KCNK13: variants seen among roughly 807,000 people sequenced by gnomAD.
KCNK13 encodes potassium two pore domain channel subfamily K member 13, also known as potassium channel subfamily K member 13.
Under a neutral mutation model 23.4 loss-of-function variants are expected in KCNK13, and 12 were observed. That is an observed-to-expected ratio of 0.51 (90% CI 0.33 to 0.83). KCNK13 has a LOEUF of 0.83. KCNK13 is among the 40% of genes least tolerant of loss of function. The pLI is 0.02. For synonymous variants in KCNK13, 231 were observed against 229.5 expected, an observed-to-expected ratio of 1.01 and a Z score of -0.06; for missense variants, 463 against 556.3, an observed-to-expected ratio of 0.83 and a Z score of 1.69.
chr14:90,110,646 C>T (rs1005213942), intron 1 of KCNK13, among the ~76,000 whole-genome samples: 1 of 152,074 alleles, frequency 6.6e-6, no homozygotes, highest in African/African-American at 2.4e-5. Flanking sequence ...GGATTCAGGG[C>T]ATGTCTTTCT....
At chr14:90,097,648 G>A (rs947728190) in intron 1 of KCNK13, among the ~76,000 whole-genome samples, 1 of 152,150 alleles carries the variant, frequency 6.6e-6, no homozygotes, top group Non-Finnish European at 1.5e-5. Flanking sequence ...CCTGATGGGA[G>A]AATATTCAAA....
chr14:90,184,988 C>A lies in KCNK13; in HGVS notation c.1212C>A (p.Thr404=), dbSNP rs775316619. ...FAIMNNRLAE[T]SGDR ...TCATGAACAACAGGTTGGCAGAGAC[C>A]AGTGGGGACAGGTAGAAGCCAGGAG... Residue 404 remains threonine, a synonymous_variant, in exon 2 of 2, where the codon ACC becomes ACA. Transcript: ENST00000282146. The surrounding 1 kb of genome is among the most constrained non-coding windows in gnomAD (Gnocchi z 5.6). 1 of 1,590,554 alleles carries A rather than the reference C, an allele frequency of 6.3e-7. No homozygotes were observed. The highest frequency in any genetic ancestry group is 8.6e-7 in the Non-Finnish European group (1 of 1,167,618).
At chr14:90,162,443 A>G (rs1176213188) in intron 1 of KCNK13, among the ~76,000 whole-genome samples, 2 of 152,188 alleles carry the variant, frequency 1.3e-5, no homozygotes, top group South Asian at 2.1e-4. Flanking sequence ...GATTGTATCA[A>G]TGTCAATATC....
At chr14:90,113,934 AAAG>A (rs775840828) in intron 1 of KCNK13, among the ~76,000 whole-genome samples, 29 of 152,208 alleles carry the variant, frequency 1.9e-4, no homozygotes, top group East Asian at 1.9e-4. Flanking sequence ...CTCTGTCTCA[AAAG>A]AAGAAGAAGA....
intron 1 of KCNK13, among the ~76,000 whole-genome samples, chr14:90,146,827 A>G (rs1047555958): frequency 9.9e-5 from 15 of 151,124 alleles, no homozygotes; most frequent in Non-Finnish European, 2.2e-4. Flanking sequence ...ATCTTTTTCT[A>G]TCTATTATTT....
chr14:90,182,840 AGAG>A (rs1439992228), intron 1 of KCNK13, among the ~76,000 whole-genome samples: 1 of 148,410 alleles, frequency 6.7e-6, no homozygotes, highest in Non-Finnish European at 1.5e-5. Context: ...AAAAAAAAAA[AGAG>A]AGAGGTTTGA....
intron 1 of KCNK13, among the ~76,000 whole-genome samples, chr14:90,104,471 G>A (rs976191591): frequency 4.6e-5 from 7 of 152,166 alleles, no homozygotes. Flanking sequence ...CACCCAGAAG[G>A]CAATAAGACA....
intron 1 of KCNK13, among the ~76,000 whole-genome samples, chr14:90,175,360 A>G (rs1229456918): frequency 2.0e-5 from 3 of 152,214 alleles, no homozygotes; most frequent in African/African-American, 7.2e-5. Flanking sequence ...TTGTGGAAAC[A>G]TTATTCTTAT....
chr14:90,122,079 C>T lies in KCNK13; in HGVS notation c.334+59540C>T, dbSNP rs375083846. Among the ~76,000 whole-genome samples, 12 of 152,120 alleles carry T rather than the reference C, an allele frequency of 7.9e-5. 1 individual carries two copies. The East Asian group carries it at 1.5e-3, about 20-fold the overall frequency. On this transcript the variant is annotated intron_variant, in intron 1 of 1. Transcript: ENST00000282146. ...TCTTAAGAAACTGCCATCATGTAAA[C>T]GTTTTCCACAATTTTAATAGCTCCA...
chr14:90,090,370 C>G (rs970416801), intron 1 of KCNK13, among the ~76,000 whole-genome samples: 1 of 152,184 alleles, frequency 6.6e-6, no homozygotes, highest in Non-Finnish European at 1.5e-5. Context: ...GGGCCTGTAA[C>G]CCCTTTATTT....
At chr14:90,106,945 C>T (rs530785086) in intron 1 of KCNK13, among the ~76,000 whole-genome samples, 9 of 151,922 alleles carry the variant, frequency 5.9e-5, no homozygotes, top group African/African-American at 1.4e-4. Context: ...CGCTTGAATC[C>T]GGGAGGCAGA....
At chr14:90,158,691 T>TCCTG (rs2140437369) in intron 1 of KCNK13, among the ~76,000 whole-genome samples, 1 of 152,316 alleles carries the variant, frequency 6.6e-6, no homozygotes, top group South Asian at 2.1e-4. Flanking sequence ...CTTCCTCCCT[T>TCCTG]CCTGCCTGCC....
At chr14:90,129,245 C>T (rs1329969241) in intron 1 of KCNK13, among the ~76,000 whole-genome samples, 3 of 152,090 alleles carry the variant, frequency 2.0e-5, no homozygotes, top group Admixed American at 2.0e-4. Context: ...TTTACTTATT[C>T]CTTCTCCTGG....
At chr14:90,113,961 A>G (rs898651611) in intron 1 of KCNK13, among the ~76,000 whole-genome samples, 3 of 152,102 alleles carry the variant, frequency 2.0e-5, no homozygotes, top group African/African-American at 7.2e-5. Flanking sequence ...AAAAAGAATG[A>G]AAGAAAAAGA....
At chr14:90,127,452 ACTT>A (rs1224957734) in intron 1 of KCNK13, among the ~76,000 whole-genome samples, 99 of 87,644 alleles carry the variant, frequency 1.1e-3, no homozygotes, top group African/African-American at 3.9e-3. Context: ...TGCTCACCAT[ACTT>A]TTTTTTTTTT....
At chr14:90,132,486 G>A (rs930193576) in intron 1 of KCNK13, among the ~76,000 whole-genome samples, 3 of 123,658 alleles carry the variant, frequency 2.4e-5, no homozygotes, top group East Asian at 2.0e-4. Context: ...AGAGGTTGCA[G>A]TGAGCCAAGA....
At chr14:90,131,915 C>T (rs1889879422) in intron 1 of KCNK13, among the ~76,000 whole-genome samples, 1 of 152,168 alleles carries the variant, frequency 6.6e-6, no homozygotes, top group African/African-American at 2.4e-5. Context: ...TAGGATCCAG[C>T]AATCCCACTT....
Position 90,087,296 on chromosome 14 carries a change from G to A in KCNK13, c.334+24757G>A, listed in dbSNP as rs561831693. Reference sequence around the variant, plus strand: ...CCACTTGCCCAGGCCATTATTTCGTGGTTTAATAACAAAGCACATTTAATG... The same window carrying A: ...CCACTTGCCCAGGCCATTATTTCGTAGTTTAATAACAAAGCACATTTAATG... On this transcript the variant is annotated intron_variant, in intron 1 of 1. Coordinates refer to ENST00000282146, the MANE Select transcript of KCNK13 (RefSeq NM_022054.4). 8.7e-4 allele frequency among the ~76,000 whole-genome samples: 131 copies of A among 150,962 alleles called. 1 individual carries two copies. In the South Asian group the frequency reaches 0.011, roughly 13 times the overall value.
intron 1 of KCNK13, among the ~76,000 whole-genome samples, chr14:90,087,602 T>C (rs1036083879): frequency 5.3e-5 from 8 of 152,134 alleles, no homozygotes; most frequent in Admixed American, 3.9e-4. Flanking sequence ...AAAACGGACT[T>C]GCAACACTCT....
Sources: allele counts gnomAD v4.1 joint callset (sites outside exome capture counted in the v4.1 genomes callset), GRCh38; gene constraint gnomAD v4.1.1; non-coding constraint Gnocchi (gnomAD v3.1); transcripts MANE v1.5; gene names NCBI Gene and HGNC (gene_info 2026-07-23, HGNC 2026-07-21).